The following PPP1R14C variants were observed in gnomAD, a reference collection of about 807,000 sequenced individuals.
PPP1R14C encodes protein phosphatase 1 regulatory subunit 14C.
PPP1R14C carries 16 observed loss-of-function variants against 20.4 expected under a neutral mutation model. The observed-to-expected ratio is 0.78, with a 90% CI of 0.53 to 1.19. The LOEUF (loss-of-function observed/expected upper bound fraction) is 1.19, where lower values mean the gene tolerates loss of function less well. Among genes scored for constraint, PPP1R14C ranks in the 50% most tolerant of loss-of-function variants. The pLI, the probability that PPP1R14C is intolerant of heterozygous loss-of-function variation, is 0.00. For missense variants in PPP1R14C, 211 were observed against 220.1 expected (o/e 0.96, Z 0.26); for synonymous variants, 91 against 91.0 (o/e 1.00, Z 0.00).
intron 1 of PPP1R14C, among the ~76,000 whole-genome samples, chr6:150,192,654 G>A (rs973385243): frequency 1.4e-4 from 22 of 152,196 alleles, no homozygotes; most frequent in African/African-American, 5.1e-4. Context: ...CCAAATCTCA[G>A]TAGCTTAACA....
At chr6:150,236,294 G>A (rs9480008) in intron 3 of PPP1R14C, among the ~76,000 whole-genome samples, 6,217 of 151,114 alleles carry the variant, frequency 0.041, 406 homozygotes, top group African/African-American at 0.15. Flanking sequence ...CTGTATCTGA[G>A]TCCCTGACAG....
chr6:150,242,751 AAGT>A (rs2114933458), intron 3 of PPP1R14C, among the ~76,000 whole-genome samples: 1 of 152,338 alleles, frequency 6.6e-6, no homozygotes, highest in African/African-American at 2.4e-5. Flanking sequence ...AAATAGGAAG[AAGT>A]AAAATTGTTT....
At chr6:150,157,413 GA>G (rs1777317190) in intron 1 of PPP1R14C, among the ~76,000 whole-genome samples, 1 of 151,296 alleles carries the variant, frequency 6.6e-6, no homozygotes, top group Non-Finnish European at 1.5e-5. Context: ...CTGGTGGTGG[GA>G]AACAGTTTGT....
chr6:150,228,547 G>A (rs1778255907), intron 3 of PPP1R14C, among the ~76,000 whole-genome samples: 1 of 152,184 alleles, frequency 6.6e-6, no homozygotes, highest in African/African-American at 2.4e-5. Flanking sequence ...GAGCCTGGGA[G>A]TCCAGAGTTT....
At chr6:150,216,682 G>A in intron 2 of PPP1R14C, 142 bp from the exon 3 acceptor site, 1 of 623,178 alleles carries the variant, frequency 1.6e-6, no homozygotes. Flanking sequence ...GTGCTGAAAT[G>A]AAGTGCGTTT....
chr6:150,218,483 C>G (rs1017411248), intron 3 of PPP1R14C, among the ~76,000 whole-genome samples: 1 of 118,638 alleles, frequency 8.4e-6, no homozygotes, highest in South Asian at 2.9e-4. Context: ...AACCCCCCCC[C>G]CCAAAAAAAA....
chr6:150,188,951 C>A (rs773159575), intron 1 of PPP1R14C, among the ~76,000 whole-genome samples: 1 of 150,216 alleles, frequency 6.7e-6, no homozygotes, highest in Admixed American at 6.6e-5. Flanking sequence ...CTCTGCCTCC[C>A]AGGTTCAAGC....
intron 3 of PPP1R14C, among the ~76,000 whole-genome samples, chr6:150,242,027 G>C (rs994280987): frequency 6.6e-6 from 1 of 152,188 alleles, no homozygotes; most frequent in Non-Finnish European, 1.5e-5. Context: ...TGTGGGAGTA[G>C]GAAAGAGAGT....
At chr6:150,240,408 GC>G (rs1375620052) in intron 3 of PPP1R14C, among the ~76,000 whole-genome samples, 10 of 152,208 alleles carry the variant, frequency 6.6e-5, no homozygotes, top group Admixed American at 6.5e-4. Flanking sequence ...ACGAAGGTAC[GC>G]CCCACAGACT....
In PPP1R14C at chr6:150,250,234, T is replaced by A. The variant is rs753306137; in HGVS notation, c.*1414T>A. On this transcript the variant is annotated 3_prime_UTR_variant, in exon 4 of 4. Transcript: ENST00000361131. The stretch of plus-strand genomic sequence containing the variant: ...GGTGCTCTGAACATATTTTATTTTT[T>A]AAAAAAACTATGTTTGTGAATTTTG... 2.6e-5 allele frequency: 4 copies of A among 152,540 alleles called. No individual in the cohort carries two copies. Among genetic ancestry groups the A allele is most frequent in the Non-Finnish European group, 4.4e-5 (3 of 68,036 alleles). The allele number at this position is 152,540 out of a possible 1,614,324, so 9.4% of individuals were successfully genotyped here. A position where few individuals can be genotyped will look rare whatever the true frequency, so the allele number is the denominator to read the frequency against.
intron 1 of PPP1R14C, among the ~76,000 whole-genome samples, chr6:150,186,017 C>T (rs1240549902): frequency 6.6e-6 from 1 of 152,136 alleles, no homozygotes; most frequent in East Asian, 1.9e-4. Context: ...CAGCAAAGCC[C>T]AGCCCTACCC....
chr6:150,187,609 C>T (rs138463996), intron 1 of PPP1R14C, among the ~76,000 whole-genome samples: 56 of 152,280 alleles, frequency 3.7e-4, no homozygotes, highest in Admixed American at 1.0e-3. Context: ...ATCCATGTTT[C>T]TGCAGAGGAC....
chr6:150,228,764 G>T (rs1778258929), intron 3 of PPP1R14C, among the ~76,000 whole-genome samples: 1 of 152,084 alleles, frequency 6.6e-6, no homozygotes, highest in Admixed American at 6.6e-5. Flanking sequence ...GTGAGGGCAG[G>T]TTAAATTTTT....
At chr6:150,239,273 A>C in intron 3 of PPP1R14C, among the ~76,000 whole-genome samples, 1 of 152,240 alleles carries the variant, frequency 6.6e-6, no homozygotes, top group East Asian at 1.9e-4. Flanking sequence ...GCTTGGAGGC[A>C]GCCTGGTTTT....
intron 1 of PPP1R14C, among the ~76,000 whole-genome samples, chr6:150,198,231 G>C (rs1267978071): frequency 1.4e-5 from 2 of 144,196 alleles, no homozygotes; most frequent in African/African-American, 2.6e-5. Context: ...CTGGATGCCC[G>C]GCTTTGTGTG....
chr6:150,190,410 T>A (rs1777727864), intron 1 of PPP1R14C, among the ~76,000 whole-genome samples: 1 of 149,872 alleles, frequency 6.7e-6, no homozygotes, highest in Non-Finnish European at 1.5e-5. Context: ...AACCTTAAAG[T>A]CATCCTAGAT....
intron 1 of PPP1R14C, among the ~76,000 whole-genome samples, chr6:150,183,648 A>T (rs1429392339): frequency 6.6e-6 from 1 of 152,074 alleles, no homozygotes; most frequent in Non-Finnish European, 1.5e-5. Context: ...AGTAGCTGGG[A>T]TTACAGGCGC....
rs151124116 is a variant in PPP1R14C at position 150,170,272 on chromosome 6, C to G, written c.306+26774C>G. Among the ~76,000 whole-genome samples, 651 of 151,042 alleles carry G rather than the reference C, an allele frequency of 4.3e-3. 5 individuals carry two copies. Among genetic ancestry groups the G allele is most frequent in the African/African-American group, 0.015 (630 of 41,220 alleles). On this transcript the variant is annotated intron_variant, in intron 1 of 3. Transcript: ENST00000361131. ...AATAAGAAAATATGGGTGATGAGAA[C>G]TGAATTCAACACATACTCATTACAC... is the stretch of plus-strand genomic sequence containing the variant.
intron 3 of PPP1R14C, among the ~76,000 whole-genome samples, chr6:150,230,868 A>G (rs1778286270): frequency 7.4e-6 from 1 of 135,024 alleles, no homozygotes. Flanking sequence ...CTACTTGCCA[A>G]CGGGCCCATC....
Sources: gnomAD v4.1 joint callset for allele counts (sites outside exome capture counted in the v4.1 genomes callset) on GRCh38, gnomAD v4.1.1 for gene constraint, MANE v1.5 for transcripts, NCBI Gene and HGNC (gene_info 2026-07-23, HGNC 2026-07-21) for gene names.